The following ERG variants were observed in gnomAD, a reference collection of about 807,000 sequenced individuals.
The protein encoded by ERG is ETS transcription factor ERG.
A neutral mutation model predicts 55.3 loss-of-function variants in ERG; 9 were observed. The observed-to-expected ratio is 0.16, with a 90% CI of 0.10 to 0.28. The LOEUF (loss-of-function observed/expected upper bound fraction) is 0.28. Among genes scored for constraint, ERG ranks in the 10% least tolerant of loss-of-function variants. ERG has a pLI of 1.00. For missense variants in ERG, 434 were observed against 631.6 expected (o/e 0.69, Z 3.35); for synonymous variants, 223 against 237.3 (o/e 0.94, Z 0.55).
At chr21:38,466,077 T>C (rs866863608) in intron 1 of ERG, among the ~76,000 whole-genome samples, 4 of 152,338 alleles carry the variant, frequency 2.6e-5, no homozygotes, top group Non-Finnish European at 4.4e-5. Context: ...ATGCTCATTA[T>C]TATTTATATA....
chr21:38,472,589 T>C (rs1569126148), intron 1 of ERG, among the ~76,000 whole-genome samples: 2 of 152,102 alleles, frequency 1.3e-5, no homozygotes, highest in Admixed American at 6.5e-5. Context: ...CAATATTGGT[T>C]ACCCCCGCTG....
At chr21:38,403,413 G>T in intron 4 of ERG, 93 bp downstream of exon 4, 1 of 1,232,080 alleles carries the variant, frequency 8.1e-7, no homozygotes, top group Non-Finnish European at 1.2e-6. Context: ...AGGGCAGGAG[G>T]ATGCTGTCGA....
At chr21:38,499,987 G>A (rs993382433), upstream of ERG, among the ~76,000 whole-genome samples, 8 of 152,226 alleles carry the variant, frequency 5.3e-5, no homozygotes, top group East Asian at 3.9e-4. Context: ...GTTGATTTCC[G>A]CTCTTTTCAT....
downstream of ERG, among the ~76,000 whole-genome samples, chr21:38,376,553 G>A (rs1450484514): frequency 6.6e-6 from 1 of 152,250 alleles, no homozygotes; most frequent in Admixed American, 6.5e-5. Flanking sequence ...TACTAGGAAA[G>A]GGACGTTTCC....
chr21:38,423,272 GCTCCCATTTA>G (rs1178729194), intron 3 of ERG, 128 bp downstream of exon 3: 3 of 799,536 alleles, frequency 3.8e-6, no homozygotes, highest in Non-Finnish European at 5.7e-6. Flanking sequence ...ACCTCTGCCA[GCTCCCATTTA>G]CAAGCCCTGC....
intron 2 of ERG, among the ~76,000 whole-genome samples, chr21:38,528,340 A>G (rs1456810877): frequency 6.6e-6 from 1 of 151,530 alleles, no homozygotes; most frequent in East Asian, 1.9e-4. Flanking sequence ...ACTCAGGAGA[A>G]TCACTTGAAC....
At chr21:38,442,893 C>T (rs969725133) in intron 2 of ERG, among the ~76,000 whole-genome samples, 7 of 152,232 alleles carry the variant, frequency 4.6e-5, no homozygotes, top group South Asian at 2.1e-4. Flanking sequence ...CTGCAAGCTC[C>T]GCCTCCCGGG....
chr21:38,618,627 G>C (rs2060272723), intron 1 of ERG, among the ~76,000 whole-genome samples: 1 of 152,184 alleles, frequency 6.6e-6, no homozygotes, highest in African/African-American at 2.4e-5. Flanking sequence ...GATTCTTCTA[G>C]AGAAAGGCAA....
intron 1 of ERG, among the ~76,000 whole-genome samples, chr21:38,465,096 C>T (rs967602215): frequency 6.6e-6 from 1 of 152,174 alleles, no homozygotes; most frequent in African/African-American, 2.4e-5. Flanking sequence ...CTGTAAGAGG[C>T]TAGACTCCAA....
chr21:38,407,646 T>TATATA (rs34894423), intron 3 of ERG, among the ~76,000 whole-genome samples: 99,417 of 142,494 alleles, frequency 0.7, 35,776 homozygotes, highest in Middle Eastern at 0.8. Flanking sequence ...ATATATATAT[T>TATATA]TAATGTATAT....
chr21:38,438,365 T>G (rs112427079), intron 2 of ERG, among the ~76,000 whole-genome samples: 5 of 152,192 alleles, frequency 3.3e-5, no homozygotes, highest in Non-Finnish European at 5.9e-5. Context: ...AACTTTTTTG[T>G]ATATTTTATC....
Position 38,660,085 on chromosome 21 carries a change from C to A in ERG, c.-150+1573G>T, listed in dbSNP as rs115101815. Among the ~76,000 whole-genome samples, 1,281 of 152,256 alleles carry A rather than the reference C, an allele frequency of 8.4e-3. 12 individuals are homozygous for A. Among genetic ancestry groups the A allele is most frequent in the African/African-American group, 0.029 (1,199 of 41,550 alleles). On this transcript the variant is annotated intron_variant, in intron 1 of 10. Transcript: ENST00000398910. ...AGAGCTGGTCCCAGAGCCGGTGTTG[C>A]GGGGTGTGCGGGAAGGCGCCGTCGG...
In ERG at chr21:38,460,912, T is replaced by G. The variant is rs1350872877; in HGVS notation, c.19-15291A>C. Among the ~76,000 whole-genome samples the G allele has an allele frequency of 1.3e-5, 2 of 152,232 alleles. No homozygotes were observed. Among genetic ancestry groups the G allele is most frequent in the East Asian group, 3.8e-4 (2 of 5,196 alleles). Reference sequence around the variant, plus strand: ...TTGGAAAAACTGTTCACTGCTGTGCTTGCCTATGGAGAACCTGGATTCCCA... The same window carrying G: ...TTGGAAAAACTGTTCACTGCTGTGCGTGCCTATGGAGAACCTGGATTCCCA... On this transcript the variant is annotated intron_variant, in intron 1 of 9. Coordinates refer to ENST00000288319, the MANE Select transcript of ERG (RefSeq NM_182918.4). This position sits in a 1 kb window ranked among gnomAD's most constrained non-coding sequence, Gnocchi z 5.0.
At chr21:38,653,488 T>A (rs534129025) in intron 1 of ERG, among the ~76,000 whole-genome samples, 1 of 152,182 alleles carries the variant, frequency 6.6e-6, no homozygotes, top group African/African-American at 2.4e-5. Context: ...TTTCCACCTG[T>A]AGGTATTTAT....
rs56278724 is a variant in ERG at position 38,552,846 on chromosome 21, GA to G, written c.-41+22815del. ...TCCTAGCCAGAGCAATCAAGCAAGA[GA>G]AAAAAAAAAAAAAGAAACAAAATAC... On this transcript the variant is annotated intron_variant, in intron 2 of 8. Transcript: ENST00000398897. Among the ~76,000 whole-genome samples, 203 of 127,852 alleles carry G rather than the reference GA, an allele frequency of 1.6e-3. 1 individual carries two copies. Among genetic ancestry groups the G allele is most frequent in the Middle Eastern group, 4.0e-3 (1 of 250 alleles). 83.9% of individuals were successfully genotyped at this position (127,852 alleles called of 152,430 possible).
At chr21:38,450,873 C>T in intron 1 of ERG, 5 of 453,058 alleles carry the variant, frequency 1.1e-5, no homozygotes, top group South Asian at 7.9e-5. Context: ...ATCATTTAAT[C>T]CTTACAATTG....
chr21:38,373,466 A>G, the ERG span, among the ~76,000 whole-genome samples: 1 of 152,176 alleles, frequency 6.6e-6, no homozygotes, highest in Non-Finnish European at 1.5e-5. Flanking sequence ...AAAGGTCAGT[A>G]CCTCTGTAAA....
At chr21:38,566,669 G>A (rs1276859597) in intron 2 of ERG, among the ~76,000 whole-genome samples, 1 of 152,208 alleles carries the variant, frequency 6.6e-6, no homozygotes, top group African/African-American at 2.4e-5. Context: ...GATATTCACA[G>A]AAGCCACGCA....
intron 1 of ERG, among the ~76,000 whole-genome samples, chr21:38,458,193 A>C (rs1166118695): frequency 2.0e-5 from 3 of 152,158 alleles, no homozygotes; most frequent in Non-Finnish European, 4.4e-5. Context: ...TTGGAGGCCA[A>C]GACGGGCAGA....
Sources: gnomAD v4.1 joint callset for allele counts (sites outside exome capture counted in the v4.1 genomes callset) on GRCh38, gnomAD v4.1.1 for gene constraint, Gnocchi (gnomAD v3.1) non-coding constraint, MANE v1.5 for transcripts, NCBI Gene and HGNC (gene_info 2026-07-23, HGNC 2026-07-21) for gene names.